The following KDM5B variants were observed in gnomAD, a reference collection of about 807,000 sequenced individuals.
KDM5B encodes lysine demethylase 5B, also known as lysine-specific demethylase 5B.
Under a neutral mutation model 193.4 loss-of-function variants are expected in KDM5B, and 144 were observed. The observed-to-expected ratio is 0.74, with a 90% CI of 0.65 to 0.86. The LOEUF is 0.86. KDM5B is among the 40% of genes least tolerant of loss of function. The probability of loss-of-function intolerance (pLI) is 0.00; values close to 1 mark genes in which losing one functional copy is unlikely to be tolerated. For synonymous variants in KDM5B, 668 were observed against 682.6 expected, an observed-to-expected ratio of 0.98 and a Z score of 0.33; for missense variants, 1,833 against 1,886.9, an observed-to-expected ratio of 0.97 and a Z score of 0.53.
intron 8 of KDM5B, among the ~76,000 whole-genome samples, chr1:202,760,102 T>C (rs7415722): frequency 0.78 from 117,838 of 151,950 alleles, 46,876 homozygotes; most frequent in Admixed American, 0.86. Flanking sequence ...TATTTGAGCT[T>C]AGGAGTTCGA....
Position 202,796,710 on chromosome 1 carries a change from G to T in KDM5B, c.204+11392C>A, listed in dbSNP as rs1165236410. The T allele has an allele frequency of 3.3e-5, 6 of 180,774 alleles. No homozygotes were observed. The East Asian group carries it at 6.0e-4, about 18-fold the overall frequency. The allele number at this position is 180,774 out of a possible 1,614,324, so 11.2% of individuals were successfully genotyped here. A position where few individuals can be genotyped will look rare whatever the true frequency, so the allele number is the denominator to read the frequency against. On this transcript the variant is annotated intron_variant, in intron 1 of 26. Coordinates refer to ENST00000367265, the MANE Select transcript of KDM5B (RefSeq NM_006618.5). ...AATGTGCCCTTCTCAGCCCTGTACTGGTTCAACTACGAGCTAGTGAAGAGC... is the reference window on the plus strand; with the variant it reads ...AATGTGCCCTTCTCAGCCCTGTACTTGTTCAACTACGAGCTAGTGAAGAGC...
chr1:202,765,610 G>A (rs927177565), intron 5 of KDM5B, among the ~76,000 whole-genome samples: 1 of 152,124 alleles, frequency 6.6e-6, no homozygotes, highest in Non-Finnish European at 1.5e-5. Flanking sequence ...ACATGCTTAT[G>A]GGCTTCAAAT....
chr1:202,735,309 A>G (rs1655049929), intron 22 of KDM5B, 120 bp downstream of exon 22: 2 of 1,061,778 alleles, frequency 1.9e-6, no homozygotes, highest in Non-Finnish European at 2.7e-6. Flanking sequence ...AAGTCTTTTT[A>G]GTAAAACTGA....
chr1:202,735,501 T>C lies in KDM5B; in HGVS notation c.3351A>G (p.Lys1117=). 1.9e-6 allele frequency: 3 copies of C among 1,614,188 alleles called. No homozygotes were observed. Among genetic ancestry groups the C allele is most frequent in the South Asian group, 1.1e-5 (1 of 91,078 alleles). ...TCAGACTCTCTAATTTGGTGCTTTT[T>C]TTCTTTCCATTTGGCAAGGGCTCCT... is the stretch of plus-strand genomic sequence containing the variant. The part of the protein sequence containing the change: ...KLKEPLPNGK[K]KSTKLESLSD... Residue 1117 remains lysine (K), a synonymous_variant, in exon 22 of 27, where the codon AAA becomes AAG. Transcript: ENST00000367265.
In KDM5B at chr1:202,756,372, A is replaced by G. The variant is rs1394678806; in HGVS notation, c.1342T>C (p.Ser448Pro). The change falls in exon 10 of 27, where the codon TCA becomes CCA. Residue 448 changes from serine to proline, a missense_variant. Physicochemically the swap from Ser to Pro is moderately conservative, Grantham distance 74. This residue lies in a region of KDM5B where 1,379 missense variants were observed against 1,349.6 expected (regional missense o/e 1.02). Coordinates refer to ENST00000367265, the MANE Select transcript of KDM5B (RefSeq NM_006618.5). ...FPVRDGKIKL[S>P]PEEEEYLDSG... ...TATATGCCTACCTCTTCCTCAGGTG[A>G]GAGTTTGATTTTCCCATCTCGGACA... 6.2e-7 allele frequency: 1 copy of G among 1,610,658 alleles called. No individual in the cohort carries two copies. Among genetic ancestry groups the G allele is most frequent in the Admixed American group, 1.7e-5 (1 of 59,218 alleles).
intron 4 of KDM5B, among the ~76,000 whole-genome samples, chr1:202,768,998 G>A (rs1656592835): frequency 6.6e-6 from 1 of 150,802 alleles, no homozygotes; most frequent in Non-Finnish European, 1.5e-5. Flanking sequence ...ACAGGTGTGA[G>A]CCACTGCACC....
Position 202,726,023 on chromosome 1 carries a change from G to A in KDM5B, c.*3013C>T, listed in dbSNP as rs1190375926. ...AAACCCATTACAAAGGGCCTTCAGA[G>A]TACAACCCAAATCAGTAGAGAGCCA... On this transcript the variant is annotated 3_prime_UTR_variant, in exon 27 of 27. Transcript: ENST00000367265. The A allele has an allele frequency of 6.6e-6, 1 of 152,162 alleles. No homozygotes were observed. Among genetic ancestry groups the A allele is most frequent in the African/African-American group, 2.4e-5 (1 of 41,436 alleles). The allele number at this position is 152,162 out of a possible 1,614,324, so 9.4% of individuals were successfully genotyped here.
intron 1 of KDM5B, among the ~76,000 whole-genome samples, chr1:202,789,805 T>C (rs1263554688): frequency 6.6e-6 from 1 of 151,748 alleles, no homozygotes; most frequent in Non-Finnish European, 1.5e-5. Flanking sequence ...TGAGATACCA[T>C]CTCTACAAAA....
At chr1:202,802,014 A>G (rs1466737706) in intron 1 of KDM5B, among the ~76,000 whole-genome samples, 2 of 151,584 alleles carry the variant, frequency 1.3e-5, no homozygotes, top group African/African-American at 2.4e-5. Context: ...GATCTGTACT[A>G]TAACAGGTAT....
In KDM5B at chr1:202,760,461, T is replaced by C; in HGVS notation, c.1031A>G (p.His344Arg). 1 of 1,613,558 alleles carries C rather than the reference T, an allele frequency of 6.2e-7. No individual in the cohort carries two copies. The highest frequency in any genetic ancestry group is 8.5e-7 in the Non-Finnish European group (1 of 1,179,684). ...YHTFCLIPPL[H>R]DVPKGDWRCP... ...CCTCCAGTCTCCCTTGGGAACATCA[T>C]GGAGAGGTGGGATCAAGCAAAAGGT... Residue 344 changes from histidine (H) to arginine (R), a missense_variant, in exon 8 of 27, where the codon CAT becomes CGT. His to Arg is a conservative substitution (Grantham distance 29, BLOSUM62 0). This residue lies in a region of KDM5B where 99 missense variants were observed against 162.4 expected (regional missense o/e 0.61). Coordinates refer to ENST00000367265, the MANE Select transcript of KDM5B (RefSeq NM_006618.5).
intron 1 of KDM5B, among the ~76,000 whole-genome samples, chr1:202,784,707 A>T (rs996909094): frequency 6.6e-6 from 1 of 152,220 alleles, no homozygotes; most frequent in Admixed American, 6.5e-5. Flanking sequence ...ATAGGTGTCT[A>T]TCAGAAAAGT....
chr1:202,802,868 T>C (rs184022539), intron 1 of KDM5B, among the ~76,000 whole-genome samples: 1 of 152,304 alleles, frequency 6.6e-6, no homozygotes, highest in African/African-American at 2.4e-5. Context: ...AAGAATAAAA[T>C]TAAGGTTTAA....
intron 2 of KDM5B, 38 bp from the exon 3 acceptor site, chr1:202,774,773 T>C (rs750202798): frequency 2.6e-5 from 42 of 1,595,598 alleles, no homozygotes; most frequent in Non-Finnish European, 3.3e-5. Context: ...CTCATTTAGC[T>C]TATTTTAAAG....
In KDM5B at chr1:202,766,957, G is replaced by T. The variant is rs1278507005; in HGVS notation, c.680C>A (p.Pro227Gln). 5.1e-6 allele frequency: 8 copies of T among 1,583,190 alleles called. No individual in the cohort carries two copies. The highest frequency in any genetic ancestry group is 6.8e-6 in the Non-Finnish European group (8 of 1,172,626). ...QSVQPSETCPPARRAKRMRAE... is the reference protein window; with the variant it reads ...QSVQPSETCPQARRAKRMRAE... The stretch of plus-strand genomic sequence containing the variant: ...TCTCATGCGTTTTGCTCGTCGGGCT[G>T]GGGGGCACGTTTCCGAAGGCTGCAC... The change falls in exon 5 of 27, where the codon CCA (proline) becomes CAA (glutamine). Residue 227 changes from proline (P) to glutamine (Q), a missense_variant. Pro to Gln is a moderately conservative substitution (Grantham distance 76, BLOSUM62 -1). This residue lies in a region of KDM5B where 355 missense variants were observed against 374.9 expected (regional missense o/e 0.95). Coordinates refer to ENST00000367265, the MANE Select transcript of KDM5B (RefSeq NM_006618.5).
rs750328344 is a variant in KDM5B, at chr1:202,755,443, C to G, written c.1366G>C (p.Asp456His). 6.2e-7 allele frequency: 1 copy of G among 1,611,438 alleles called. No individual in the cohort carries two copies. Among genetic ancestry groups the G allele is most frequent in the Non-Finnish European group, 8.5e-7 (1 of 1,178,110 alleles). The change falls in exon 11 of 27, where the codon GAT (aspartate) becomes CAT (histidine). Residue 456 changes from aspartate to histidine, a missense_variant. Around this residue, in one of 3 missense-constraint regions of KDM5B, gnomAD observed 1,379 missense variants for 1,349.6 expected, o/e 1.02. Transcript: ENST00000367265. ...KLSPEEEEYL[D>H]SGWNLNNMPV... ...ATGTTGTTCAAATTCCAGCCACTAT[C>G]AAGATACTCCTAAAAATAAGAAGAC...
intron 4 of KDM5B, among the ~76,000 whole-genome samples, chr1:202,769,952 T>C (rs573097673): frequency 5.3e-5 from 8 of 152,180 alleles, no homozygotes; most frequent in Non-Finnish European, 1.2e-4. Context: ...CTGAATGACA[T>C]AAATTGTATT....
rs779686333 is a variant in KDM5B, at chr1:202,729,704, G to A, written c.4497+3C>T. 6.2e-7 allele frequency: 1 copy of A among 1,611,526 alleles called. No homozygotes were observed. The highest frequency in any genetic ancestry group is 8.5e-7 in the Non-Finnish European group (1 of 1,178,520). Reference sequence around the variant, plus strand: ...CGTCCTCTATGGCCCAAACCTCACTGACCTCATCTCCTTCTGGCTGCAGGC... The same window carrying A: ...CGTCCTCTATGGCCCAAACCTCACTAACCTCATCTCCTTCTGGCTGCAGGC... On this transcript the variant is annotated splice_donor_region_variant and intron_variant, in intron 26 of 26. Coordinates refer to ENST00000367265, the MANE Select transcript of KDM5B (RefSeq NM_006618.5).
intron 1 of KDM5B, among the ~76,000 whole-genome samples, chr1:202,802,368 T>C (rs1381346363): frequency 6.6e-6 from 1 of 151,784 alleles, no homozygotes; most frequent in African/African-American, 2.4e-5. Context: ...TAGTTTACAC[T>C]GTTTTTTTGT....
chr1:202,747,113 T>C (rs1655590283), intron 14 of KDM5B, among the ~76,000 whole-genome samples: 1 of 152,192 alleles, frequency 6.6e-6, no homozygotes, highest in Admixed American at 6.5e-5. Context: ...TGGGCTTCTT[T>C]CTTTTATTCT....
Sources: allele counts gnomAD v4.1 joint callset (sites outside exome capture counted in the v4.1 genomes callset), GRCh38; gene constraint gnomAD v4.1.1; regional missense constraint gnomAD v4.1.1; transcripts MANE v1.5; gene names NCBI Gene and HGNC (gene_info 2026-07-23, HGNC 2026-07-21).